Variants in NEXMIF observed in about 807,000 individuals in gnomAD.
NEXMIF encodes neurite extension and migration factor, also known as XLMR protein related to neurite extension.
A neutral mutation model predicts 62.1 loss-of-function variants in NEXMIF; 8 were observed. The ratio of observed to expected loss-of-function variants is 0.13; its 90% CI spans 0.08 to 0.23. NEXMIF has a LOEUF of 0.23. Ranked by LOEUF, NEXMIF falls within the 10% of genes least tolerant of loss-of-function variation. The probability of loss-of-function intolerance (pLI) is 1.00; values close to 1 mark genes in which losing one functional copy is unlikely to be tolerated. For synonymous variants in NEXMIF, 404 were observed against 416.6 expected (o/e 0.97, Z 0.37); for missense variants, 976 against 1,113.3 (o/e 0.88, Z 1.75).
chrX:74,857,006 C>A (rs1245106845), intron 1 of NEXMIF, among the ~76,000 whole-genome samples: 2 of 112,445 alleles, frequency 1.8e-5, no homozygotes, highest in Non-Finnish European at 3.8e-5. Flanking sequence ...CATTTCCCAG[C>A]AGTTGGAATG....
At chrX:74,858,358 G>C (rs1407040990) in intron 1 of NEXMIF, among the ~76,000 whole-genome samples, 2 of 112,040 alleles carry the variant, frequency 1.8e-5, no homozygotes, top group Non-Finnish European at 3.8e-5. Context: ...AGTAAGGGAA[G>C]AAAACAAGAG....
chrX:74,767,060 G>C (rs1436212741), intron 1 of NEXMIF, among the ~76,000 whole-genome samples: 1 of 112,285 alleles, frequency 8.9e-6, no homozygotes, highest in African/African-American at 3.2e-5. Context: ...TCCAAAGCCT[G>C]GAGACAGCGA....
At chrX:74,774,615 T>C (rs1335513312) in intron 1 of NEXMIF, among the ~76,000 whole-genome samples, 1 of 112,333 alleles carries the variant, frequency 8.9e-6, no homozygotes, top group Admixed American at 9.5e-5. Context: ...AAATGTGCTC[T>C]GTAGCTCTTT....
intron 1 of NEXMIF, among the ~76,000 whole-genome samples, chrX:74,822,332 G>T (rs1393264345): frequency 1.8e-5 from 2 of 111,673 alleles, no homozygotes; most frequent in Admixed American, 9.5e-5. Flanking sequence ...TGTATAAATA[G>T]ATAAATTGAA....
At chrX:74,835,122 T>G (rs1396954293) in intron 1 of NEXMIF, among the ~76,000 whole-genome samples, 1 of 112,287 alleles carries the variant, frequency 8.9e-6, no homozygotes, top group African/African-American at 3.2e-5. Flanking sequence ...GTCAATTTCA[T>G]TTTCAACTCT....
intron 1 of NEXMIF, among the ~76,000 whole-genome samples, chrX:74,911,909 G>T (rs2080791558): frequency 1.8e-5 from 2 of 111,816 alleles, no homozygotes; most frequent in Non-Finnish European, 3.8e-5. Context: ...CTTTTCCCTT[G>T]CCAAGAGATA....
chrX:74,878,289 G>C (rs756333126), intron 1 of NEXMIF, among the ~76,000 whole-genome samples: 1 of 112,092 alleles, frequency 8.9e-6, no homozygotes, highest in South Asian at 3.7e-4. Context: ...GTGCTTCCCA[G>C]TTAGGCTGCT....
At chrX:74,867,252 C>T (rs892755542) in intron 1 of NEXMIF, among the ~76,000 whole-genome samples, 2 of 111,970 alleles carry the variant, frequency 1.8e-5, no homozygotes, top group African/African-American at 6.5e-5. Flanking sequence ...CTACCATTGA[C>T]ATTCTTCACA....
Position 74,740,733 on chromosome X carries a change from C to A in NEXMIF, c.3824G>T (p.Ser1275Ile). 8.2e-7 allele frequency: 1 copy of A among 1,212,284 alleles called. No individual in the cohort carries two copies. Among genetic ancestry groups the A allele is most frequent in the South Asian group, 1.8e-5 (1 of 57,024 alleles). ...CCAATCTCCAGAAAGTCCCTTTTGACTTGGCATCTTCATAGAGGCCATAGG... is the reference window on the plus strand; with the variant it reads ...CCAATCTCCAGAAAGTCCCTTTTGAATTGGCATCTTCATAGAGGCCATAGG... ...GGPMASMKMP[S>I]QKGLSGDWAL... Residue 1275 changes from serine to isoleucine, a missense_variant, in exon 3 of 4, where the codon AGT becomes ATT. Ser to Ile is a moderately radical substitution (Grantham distance 142). This residue lies in a region of NEXMIF where 639 missense variants were observed against 694.5 expected (regional missense o/e 0.92). Transcript: ENST00000055682.
rs1411405578 is a variant in NEXMIF at position 74,876,662 on chromosome X, A to G, written c.-48+48221T>C. On this transcript the variant is annotated intron_variant, in intron 1 of 3. Coordinates refer to ENST00000055682, the MANE Select transcript of NEXMIF (RefSeq NM_001008537.3). Reference sequence around the variant, plus strand: ...TAGGTCACTCAGGACTTGCTTTATGAATCTGGGTGCTCCTGTATTGGGTGC... The same window carrying G: ...TAGGTCACTCAGGACTTGCTTTATGGATCTGGGTGCTCCTGTATTGGGTGC... Among the ~76,000 whole-genome samples the G allele has an allele frequency of 5.0e-5, 5 of 100,840 alleles. No homozygotes were observed. In the East Asian group the frequency reaches 1.2e-3, roughly 25 times the overall value. 87.6% of individuals were successfully genotyped at this position (100,840 alleles called of 115,157 possible).
chrX:74,742,254 G>A lies in NEXMIF; in HGVS notation c.2303C>T (p.Ser768Leu). ...NLKNEVIPGT[S>L]NSSRLSEFHE... ...AAATTCAGATAGACGGGAACTGTTT[G>A]ATGTCCCAGGAATAACTTCATTCTT... The change falls in exon 3 of 4, where the codon TCA (serine) becomes TTA (leucine). Residue 768 changes from serine (S) to leucine (L), a missense_variant. This residue lies in a region of NEXMIF where 639 missense variants were observed against 694.5 expected (regional missense o/e 0.92). Transcript: ENST00000055682. 1 of 1,211,354 alleles carries A rather than the reference G, an allele frequency of 8.3e-7. No individual in the cohort carries two copies. The highest frequency in any genetic ancestry group is 1.1e-6 in the Non-Finnish European group (1 of 895,054).
intron 1 of NEXMIF, among the ~76,000 whole-genome samples, chrX:74,887,317 A>T (rs1437715745): frequency 1.8e-5 from 2 of 111,057 alleles, no homozygotes; most frequent in African/African-American, 6.6e-5. Context: ...AATTAAACTA[A>T]AGAGCTTCTG....
intron 1 of NEXMIF, among the ~76,000 whole-genome samples, chrX:74,883,644 T>C (rs1376529390): frequency 2.7e-5 from 3 of 112,063 alleles, no homozygotes; most frequent in Admixed American, 1.9e-4. Context: ...TATGGGACTA[T>C]GTGAAAAGAC....
intron 1 of NEXMIF, among the ~76,000 whole-genome samples, chrX:74,817,627 T>C (rs1038680279): frequency 5.4e-5 from 6 of 111,845 alleles, no homozygotes; most frequent in African/African-American, 1.9e-4. Flanking sequence ...TTTGTTTCCC[T>C]ATAGCTTCTG....
At chrX:74,923,020 C>T (rs1441767342) in intron 1 of NEXMIF, among the ~76,000 whole-genome samples, 1 of 111,715 alleles carries the variant, frequency 9.0e-6, no homozygotes, top group African/African-American at 3.3e-5. Context: ...AACTAGCATG[C>T]ATGCAATCTA....
At chrX:74,850,278 C>T (rs2080508244) in intron 1 of NEXMIF, among the ~76,000 whole-genome samples, 1 of 112,230 alleles carries the variant, frequency 8.9e-6, no homozygotes, top group African/African-American at 3.2e-5. Context: ...ACTGCTAACA[C>T]CAGCACAAAC....
At chrX:74,888,317 A>G (rs1294791224) in intron 1 of NEXMIF, among the ~76,000 whole-genome samples, 1 of 109,736 alleles carries the variant, frequency 9.1e-6, no homozygotes, top group Non-Finnish European at 1.9e-5. Context: ...AAACAAAAAA[A>G]AAAAGAAAAT....
At chrX:74,918,840 T>C (rs1217130924) in intron 1 of NEXMIF, among the ~76,000 whole-genome samples, 4 of 112,482 alleles carry the variant, frequency 3.6e-5, no homozygotes, top group Non-Finnish European at 7.5e-5. Context: ...TGGGCCATAG[T>C]TTCTTTTAAC....
intron 1 of NEXMIF, among the ~76,000 whole-genome samples, chrX:74,916,909 A>G (rs1227626825): frequency 1.8e-5 from 2 of 111,704 alleles, no homozygotes; most frequent in African/African-American, 3.3e-5. Context: ...TCTGTCCCCA[A>G]TATCTCAGGG....
Sources: allele counts gnomAD v4.1 joint callset (sites outside exome capture counted in the v4.1 genomes callset), GRCh38; gene constraint gnomAD v4.1.1; regional missense constraint gnomAD v4.1.1; transcripts MANE v1.5; gene names NCBI Gene and HGNC (gene_info 2026-07-23, HGNC 2026-07-21).